The following PAFAH1B2 variants were observed in gnomAD, a reference collection of about 807,000 sequenced individuals.
PAFAH1B2 encodes platelet activating factor acetylhydrolase 1b catalytic subunit 2.
A neutral mutation model predicts 28.0 loss-of-function variants in PAFAH1B2; 8 were observed. The ratio of observed to expected loss-of-function variants is 0.29; its 90% confidence interval spans 0.17 to 0.52. The LOEUF is 0.52. PAFAH1B2 is among the 20% of genes least tolerant of loss of function. The pLI, the probability that PAFAH1B2 is intolerant of heterozygous loss-of-function variation, is 0.97. For synonymous variants in PAFAH1B2, 104 were observed against 103.2 expected (o/e 1.01, Z -0.05); for missense variants, 190 against 282.6 (o/e 0.67, Z 2.35).
At chr11:117,172,512 G>C (rs1956696179), downstream of PAFAH1B2, among the ~76,000 whole-genome samples, 1 of 150,882 alleles carries the variant, frequency 6.6e-6, no homozygotes, top group African/African-American at 2.4e-5. Context: ...CAGCCACTGA[G>C]TTAAAAGATC....
chr11:117,149,308 C>A (rs1468911741), intron 1 of PAFAH1B2, among the ~76,000 whole-genome samples: 1 of 151,348 alleles, frequency 6.6e-6, no homozygotes, highest in Non-Finnish European at 1.5e-5. Context: ...GTCTCAAACT[C>A]CTGGATTCAA....
rs1226648766 is a variant in PAFAH1B2, at chr11:117,144,302, G to A, written c.-124G>A. The A allele has an allele frequency of 2.6e-6, 1 of 385,410 alleles. No homozygotes were observed. The highest frequency in any genetic ancestry group is 1.7e-5 in the South Asian group (1 of 58,580). 23.9% of individuals were successfully genotyped at this position (385,410 alleles called of 1,614,324 possible). The stretch of plus-strand genomic sequence containing the variant: ...AACCGGAAGTGGAGGAGCTGCTGCT[G>A]GTGCTGGGGCCGGAGGAGGGACGCG... On this transcript the variant is annotated 5_prime_UTR_variant, in exon 1 of 6. Transcript: ENST00000527958.
At chr11:117,167,292 C>G (rs897419829) in intron 5 of PAFAH1B2, 129 bp from the exon 6 acceptor site, 3 of 946,648 alleles carry the variant, frequency 3.2e-6, no homozygotes, top group African/African-American at 3.3e-5. Context: ...ACAGTATTTT[C>G]CAATGTTTCA....
At chr11:117,152,603 A>G (rs1956176910) in intron 2 of PAFAH1B2, 75 bp downstream of exon 2, 4 of 1,064,948 alleles carry the variant, frequency 3.8e-6, no homozygotes, top group Non-Finnish European at 5.8e-6. Context: ...TTAGTTTTTG[A>G]GACAAGGTCT....
In PAFAH1B2 at chr11:117,170,185, G is replaced by A. The variant is rs1470257280; in HGVS notation, c.*2486G>A. On this transcript the variant is annotated 3_prime_UTR_variant, in exon 6 of 6. Transcript: ENST00000527958. ...GTTTGCGTCAGTGACAGAACTTACT[G>A]CTTAGTCTTTGTACTTTTTAAAAAA... 1.9e-6 allele frequency: 2 copies of A among 1,056,160 alleles called. No homozygotes were observed. Among genetic ancestry groups the A allele is most frequent in the African/African-American group, 3.3e-5 (2 of 60,454 alleles). The allele number at this position is 1,056,160 out of a possible 1,614,324, so 65.4% of individuals were successfully genotyped here. A position where few individuals can be genotyped will look rare whatever the true frequency, so the allele number is the denominator to read the frequency against.
At chr11:117,147,513 A>G (rs1956042273) in intron 1 of PAFAH1B2, among the ~76,000 whole-genome samples, 1 of 152,108 alleles carries the variant, frequency 6.6e-6, no homozygotes, top group Non-Finnish European at 1.5e-5. Context: ...AGTTTCTCTG[A>G]TTTCCAAATT....
At chr11:117,172,936 C>G (rs988636858), downstream of PAFAH1B2, among the ~76,000 whole-genome samples, 1 of 152,250 alleles carries the variant, frequency 6.6e-6, no homozygotes, top group African/African-American at 2.4e-5. Flanking sequence ...TTCCTGGCCT[C>G]AGGCAATCGG....
chr11:117,163,751 CT>C lies in PAFAH1B2; in HGVS notation c.289-13del. 2 of 1,611,638 alleles carry C rather than the reference CT, an allele frequency of 1.2e-6. No individual in the cohort carries two copies. The highest frequency in any genetic ancestry group is 1.7e-6 in the Non-Finnish European group (2 of 1,178,708). On this transcript the variant is annotated intron_variant, in intron 4 of 5. Coordinates refer to ENST00000527958, the MANE Select transcript of PAFAH1B2 (RefSeq NM_002572.4). The stretch of plus-strand genomic sequence containing the variant: ...TGGGTATTTATCTTCTCCTTCCCCC[CT>C]TTTTTCTTCAATTGCAGGTCATTGT...
At chr11:117,156,271 T>C (rs910008304) in intron 2 of PAFAH1B2, among the ~76,000 whole-genome samples, 1 of 152,186 alleles carries the variant, frequency 6.6e-6, no homozygotes, top group Admixed American at 6.5e-5. Context: ...TGATGTTAAG[T>C]GCAACTATAA....
At chr11:117,171,540 A>G (rs1956649688), downstream of PAFAH1B2, 10 of 453,636 alleles carry the variant, frequency 2.2e-5, no homozygotes, top group Non-Finnish European at 1.2e-5. Context: ...TTGTCTCGGA[A>G]AAAAAAAAAA....
At chr11:117,162,312 C>A (rs1956392193) in intron 4 of PAFAH1B2, among the ~76,000 whole-genome samples, 1 of 152,048 alleles carries the variant, frequency 6.6e-6, no homozygotes, top group Non-Finnish European at 1.5e-5. Flanking sequence ...TTTTAAATTT[C>A]TTTTTGTAGA....
chr11:117,169,431 C>T lies in PAFAH1B2; in HGVS notation c.*1732C>T. The T allele has an allele frequency of 2.8e-6, 3 of 1,053,052 alleles. No homozygotes were observed. The highest frequency in any genetic ancestry group is 3.4e-6 in the Non-Finnish European group (3 of 871,652). 65.2% of individuals were successfully genotyped at this position (1,053,052 alleles called of 1,614,324 possible). On this transcript the variant is annotated 3_prime_UTR_variant, in exon 6 of 6. Transcript: ENST00000527958. ...CAAAATATGCTCTGCAGTGATTCCG[C>T]TTAATGTTTAAATTCAGTAACGTAC...
intron 1 of PAFAH1B2, among the ~76,000 whole-genome samples, chr11:117,144,958 C>G (rs1427079310): frequency 6.6e-6 from 1 of 152,364 alleles, no homozygotes; most frequent in South Asian, 2.1e-4. Context: ...GCACTTTTCC[C>G]TCCTCCTTTT....
chr11:117,171,752 T>A, downstream of PAFAH1B2: 1 of 1,534,266 alleles, frequency 6.5e-7, no homozygotes, highest in Non-Finnish European at 8.7e-7. Flanking sequence ...TTACAGTGAG[T>A]TGGTATGCCG....
chr11:117,157,277 T>G (rs956976847), intron 2 of PAFAH1B2, among the ~76,000 whole-genome samples: 3 of 150,812 alleles, frequency 2.0e-5, no homozygotes, highest in Non-Finnish European at 4.4e-5. Context: ...CTTTTTTAAA[T>G]AAATAAATGA....
chr11:117,152,623 G>A (rs1012987455), intron 2 of PAFAH1B2, 95 bp downstream of exon 2: 10 of 864,588 alleles, frequency 1.2e-5, no homozygotes, highest in Non-Finnish European at 1.6e-5. Flanking sequence ...TCACTGTGTT[G>A]CCCAGGCTGA....
intron 5 of PAFAH1B2, among the ~76,000 whole-genome samples, chr11:117,166,465 A>G (rs1049063591): frequency 6.6e-6 from 1 of 152,240 alleles, no homozygotes; most frequent in Non-Finnish European, 1.5e-5. Context: ...AAATAGTAGT[A>G]TCATGGAAAT....
chr11:117,162,725 G>C (rs1956403218), intron 4 of PAFAH1B2, among the ~76,000 whole-genome samples: 1 of 151,960 alleles, frequency 6.6e-6, no homozygotes. Flanking sequence ...CTGCACTCCA[G>C]CCTGGGTGAC....
At chr11:117,149,370 G>C (rs762226426) in intron 1 of PAFAH1B2, among the ~76,000 whole-genome samples, 1 of 138,772 alleles carries the variant, frequency 7.2e-6, no homozygotes, top group Admixed American at 7.3e-5. Context: ...AGTGTGAGCC[G>C]CCACACCTGG....
Sources: gnomAD v4.1 joint callset for allele counts (sites outside exome capture counted in the v4.1 genomes callset) on GRCh38, gnomAD v4.1.1 for gene constraint, MANE v1.5 for transcripts, NCBI Gene and HGNC (gene_info 2026-07-23, HGNC 2026-07-21) for gene names.